The following COL15A1 variants were observed in gnomAD, a reference collection of about 807,000 sequenced individuals.
The protein encoded by COL15A1 is collagen alpha-1(XV) chain.
In COL15A1, 111 loss-of-function variants were observed where a neutral mutation model predicts 165.9. The observed-to-expected ratio is 0.67, with a 90% CI of 0.57 to 0.78. The LOEUF is 0.78. Among genes scored for constraint, COL15A1 ranks in the 30% least tolerant of loss-of-function variants. The pLI, the probability that COL15A1 is intolerant of heterozygous loss-of-function variation, is 0.00. For synonymous variants in COL15A1, 659 were observed against 674.8 expected, an observed-to-expected ratio of 0.98 and a Z score of 0.36; for missense variants, 1,745 against 1,789.7, an observed-to-expected ratio of 0.98 and a Z score of 0.45.
intron 2 of COL15A1, among the ~76,000 whole-genome samples, chr9:98,947,983 T>A (rs749761279): frequency 1.1e-4 from 16 of 152,232 alleles, no homozygotes; most frequent in Non-Finnish European, 2.4e-4. Context: ...TTTTCCCATC[T>A]ACGAAGTGGA....
intron 28 of COL15A1, among the ~76,000 whole-genome samples, chr9:99,048,596 G>A (rs1839532831): frequency 6.6e-6 from 1 of 151,932 alleles, no homozygotes; most frequent in Non-Finnish European, 1.5e-5. Context: ...CAACATGCAG[G>A]TTTGTTACAT....
rs768918828 is a variant in COL15A1 at position 99,067,046 on chromosome 9, C to A, written c.3816C>A (p.Ser1272Arg). The change falls in exon 40 of 42, where the codon AGC (serine) becomes AGA (arginine). Residue 1272 changes from serine (S) to arginine (R), a missense_variant. Ser to Arg is a moderately radical substitution (Grantham distance 110). Coordinates refer to ENST00000375001, the MANE Select transcript of COL15A1 (RefSeq NM_001855.5). ...TTGTGAGGAAAGCAGAGAGATACAG[C>A]CTTCCCATAGTGAACCTCAAGGTAA... ...STIVRKAERY[S>R]LPIVNLKGQV... 3.1e-6 allele frequency: 5 copies of A among 1,613,732 alleles called. No individual in the cohort carries two copies. Among genetic ancestry groups the A allele is most frequent in the Middle Eastern group, 1.7e-4 (1 of 6,058 alleles).
chr9:98,958,532 A>G (rs1361462084), intron 2 of COL15A1, among the ~76,000 whole-genome samples: 1 of 152,238 alleles, frequency 6.6e-6, no homozygotes, highest in East Asian at 1.9e-4. Context: ...GGAAGAAACC[A>G]TTTCTCACTG....
intron 2 of COL15A1, among the ~76,000 whole-genome samples, chr9:98,971,470 C>T (rs913566642): frequency 2.6e-5 from 4 of 152,072 alleles, no homozygotes; most frequent in African/African-American, 4.8e-5. Context: ...GTCCGTACAC[C>T]GAGAAGAGCT....
intron 2 of COL15A1, among the ~76,000 whole-genome samples, chr9:98,985,185 G>A (rs1399808379): frequency 1.3e-5 from 2 of 152,154 alleles, no homozygotes; most frequent in African/African-American, 2.4e-5. Context: ...TTTTCCAAAC[G>A]CAGGTCATGA....
intron 2 of COL15A1, among the ~76,000 whole-genome samples, chr9:98,950,550 C>CCCTTCCTT (rs60753911): frequency 0.21 from 13,736 of 66,708 alleles, 2,053 homozygotes; most frequent in African/African-American, 0.24. Flanking sequence ...CCTTCCCTTC[C>CCCTTCCTT]CCTTCCTTCC....
intron 16 of COL15A1, among the ~76,000 whole-genome samples, chr9:99,030,517 CTG>C (rs1839200223): frequency 6.6e-6 from 1 of 152,162 alleles, no homozygotes; most frequent in Admixed American, 6.5e-5. Context: ...GCCATCTTAT[CTG>C]TGAGTCAATG....
In COL15A1 at chr9:99,025,559, G is replaced by A. The variant is rs562214354; in HGVS notation, c.1981-345G>A. On this transcript the variant is annotated intron_variant, in intron 15 of 41. Transcript: ENST00000375001. Reference sequence around the variant, plus strand: ...ATGTAGCCCCATTGTAAGTCAAGAAGCGTCTGTACAGGAGACACAGATTCA... The same window carrying A: ...ATGTAGCCCCATTGTAAGTCAAGAAACGTCTGTACAGGAGACACAGATTCA... Among the ~76,000 whole-genome samples the A allele has an allele frequency of 1.4e-3, 206 of 152,322 alleles. 1 individual carries two copies. Among genetic ancestry groups the A allele is most frequent in the African/African-American group, 4.5e-3 (189 of 41,564 alleles).
intron 5 of COL15A1, among the ~76,000 whole-genome samples, chr9:98,989,536 G>GT (rs1838380529): frequency 6.6e-6 from 1 of 152,198 alleles, no homozygotes; most frequent in African/African-American, 2.4e-5. Context: ...GGAGCCTTGG[G>GT]TAAAAAGCCT....
At chr9:98,951,732 AT>A (rs77301086) in intron 2 of COL15A1, among the ~76,000 whole-genome samples, 4,094 of 152,112 alleles carry the variant, frequency 0.027, 245 homozygotes, top group Admixed American at 0.14. Context: ...TAATTTAAAA[AT>A]TTTTTGTAGG....
intron 36 of COL15A1, among the ~76,000 whole-genome samples, chr9:99,060,261 T>A (rs1467758691): frequency 4.4e-5 from 6 of 136,016 alleles, no homozygotes; most frequent in African/African-American, 1.4e-4. Context: ...TATATATTTT[T>A]TTTTTGCTGG....
Position 99,024,989 on chromosome 9 carries a change from C to T in COL15A1, c.1970C>T (p.Pro657Leu). 2 of 1,613,460 alleles carry T rather than the reference C, an allele frequency of 1.2e-6. No individual in the cohort carries two copies. The highest frequency in any genetic ancestry group is 1.7e-6 in the Non-Finnish European group (2 of 1,179,716). Residue 657 changes from proline (P) to leucine (L), a missense_variant, in exon 15 of 42, where the codon CCT (proline) becomes CTT (leucine). Physicochemically the swap from Pro to Leu is moderately conservative, Grantham distance 98. Coordinates refer to ENST00000375001, the MANE Select transcript of COL15A1 (RefSeq NM_001855.5). ...GGAGAGGATGGACCTGCTGGTGAACCTGGGCCCCCGGTGAGCAACTGAAGT... is the reference window on the plus strand; with the variant it reads ...GGAGAGGATGGACCTGCTGGTGAACTTGGGCCCCCGGTGAGCAACTGAAGT... ...SPGEDGPAGE[P>L]GPPGPEGQPG...
chr9:99,055,435 A>G (rs1314493214), intron 34 of COL15A1, 63 bp downstream of exon 34: 60 of 997,354 alleles, frequency 6.0e-5, no homozygotes, highest in Admixed American at 8.7e-5. Context: ...GAAGCCCCCA[A>G]TGGGACTAGG....
intron 21 of COL15A1, among the ~76,000 whole-genome samples, chr9:99,037,191 C>A (rs1171011332): frequency 6.6e-6 from 1 of 152,206 alleles, no homozygotes; most frequent in Non-Finnish European, 1.5e-5. Flanking sequence ...TCCTTCAAAC[C>A]CCCATCATGG....
chr9:99,034,249 A>G (rs1839257357), intron 16 of COL15A1, among the ~76,000 whole-genome samples: 1 of 152,238 alleles, frequency 6.6e-6, no homozygotes, highest in South Asian at 2.1e-4. Context: ...GTCCACTGGC[A>G]GCTCTCCAAG....
intron 2 of COL15A1, among the ~76,000 whole-genome samples, chr9:98,966,404 C>T (rs1027389666): frequency 2.0e-5 from 3 of 152,248 alleles, no homozygotes; most frequent in Non-Finnish European, 4.4e-5. Flanking sequence ...TACCGTTCTG[C>T]TCCTGGGATC....
At chr9:98,949,218 G>T (rs1402197479) in intron 2 of COL15A1, among the ~76,000 whole-genome samples, 1 of 152,182 alleles carries the variant, frequency 6.6e-6, no homozygotes, top group Non-Finnish European at 1.5e-5. Context: ...GCTGTATGTG[G>T]CTGTAGTTCA....
intron 9 of COL15A1, among the ~76,000 whole-genome samples, chr9:99,006,172 T>C (rs1231418963): frequency 1.3e-5 from 2 of 152,234 alleles, no homozygotes; most frequent in Non-Finnish European, 2.9e-5. Context: ...CTCAAGAAGA[T>C]GTCATTCCAG....
Position 99,052,383 on chromosome 9 carries a change from T to A in COL15A1, c.2905-5T>A, listed in dbSNP as rs1349236256. On this transcript the variant is annotated splice_polypyrimidine_tract_variant and splice_region_variant and intron_variant, in intron 30 of 41. Transcript: ENST00000375001. ...GTGCCTAACCTGGCCTTCCTCTCTT[T>A]CCAGGTTGATACTGCTCATCCTGGG... is the stretch of plus-strand genomic sequence containing the variant. The A allele has an allele frequency of 5.6e-6, 9 of 1,610,064 alleles. No homozygotes were observed. Among genetic ancestry groups the A allele is most frequent in the African/African-American group, 1.3e-5 (1 of 74,850 alleles).
Sources: allele counts gnomAD v4.1 joint callset (sites outside exome capture counted in the v4.1 genomes callset), GRCh38; gene constraint gnomAD v4.1.1; transcripts MANE v1.5; gene names NCBI Gene and HGNC (gene_info 2026-07-23, HGNC 2026-07-21).